Variants in LOXHD1 observed in about 807,000 individuals in gnomAD.
The protein encoded by LOXHD1 is lipoxygenase homology domain-containing protein 1.
LOXHD1 carries 205 observed loss-of-function variants against 248.2 expected under a neutral mutation model. That is an observed-to-expected ratio of 0.83 (90% CI 0.74 to 0.93). The LOEUF (loss-of-function observed/expected upper bound fraction) is 0.93, where lower values mean the gene tolerates loss of function less well. Ranked by LOEUF, LOXHD1 falls within the 40% of genes least tolerant of loss-of-function variation. LOXHD1 has a pLI of 0.00. For missense variants in LOXHD1, 2,930 were observed against 2,971.6 expected (o/e 0.99, Z 0.33); for synonymous variants, 1,113 against 1,162.8 (o/e 0.96, Z 0.87).
chr18:46,649,874 T>C (rs2144401374), intron 1 of LOXHD1, among the ~76,000 whole-genome samples: 1 of 152,266 alleles, frequency 6.6e-6, no homozygotes, highest in South Asian at 2.1e-4. Flanking sequence ...TATAGCCCTA[T>C]CGACTTCCTG....
Position 46,588,728 on chromosome 18 carries a change from C to T in LOXHD1, c.1654+3205G>A, listed in dbSNP as rs149881685. 7.9e-5 allele frequency among the ~76,000 whole-genome samples: 12 copies of T among 152,328 alleles called. No homozygotes were observed. In the East Asian group the frequency reaches 2.3e-3, roughly 29 times the overall value. ...AAATATTTCTTAAATTTATCTTCTCCTCTCTGGTGTCCTCTCTCTGTCCGA... is the reference window on the plus strand; with the variant it reads ...AAATATTTCTTAAATTTATCTTCTCTTCTCTGGTGTCCTCTCTCTGTCCGA... On this transcript the variant is annotated intron_variant, in intron 12 of 40. Coordinates refer to ENST00000642948, the MANE Select transcript of LOXHD1 (RefSeq NM_001384474.1).
rs1008856721 is a variant in LOXHD1 at position 46,566,383 on chromosome 18, G to C, written c.2311C>G (p.Gln771Glu). 1.7e-5 allele frequency: 26 copies of C among 1,551,516 alleles called. No individual in the cohort carries two copies. Among genetic ancestry groups the C allele is most frequent in the Non-Finnish European group, 2.1e-5 (24 of 1,147,034 alleles). Residue 771 changes from glutamine to glutamate, a missense_variant, in exon 17 of 41, where the codon CAG (glutamine) becomes GAG (glutamate). By Grantham distance (29) the Gln-to-Glu change is conservative. Coordinates refer to ENST00000642948, the MANE Select transcript of LOXHD1 (RefSeq NM_001384474.1). ...MHASWFLGSV[Q>E]IRVPRQGKQY... ...TTGCCTTGACGGGGCACACGGATCT[G>C]AACGCTGCCCAGGAACCAGCTGGCA...
chr18:46,601,005 C>T (rs1257046695), intron 8 of LOXHD1, among the ~76,000 whole-genome samples: 3 of 152,126 alleles, frequency 2.0e-5, no homozygotes, highest in African/African-American at 7.2e-5. Context: ...CCTGCTTGGC[C>T]CTTGGACGCT....
intron 21 of LOXHD1, 69 bp downstream of exon 21, chr18:46,557,287 A>T (rs1040921533): frequency 1.3e-5 from 20 of 1,528,870 alleles, no homozygotes; most frequent in African/African-American, 2.8e-5. Context: ...TTCTTCCAGG[A>T]CTACCTCTGT....
At chr18:46,601,529 C>G (rs1262245039) in intron 7 of LOXHD1, 62 bp from the exon 8 acceptor site, 1 of 1,549,992 alleles carries the variant, frequency 6.5e-7, no homozygotes, top group African/African-American at 1.4e-5. Flanking sequence ...TATCCCACCC[C>G]CTCCTCCCCT....
intron 14 of LOXHD1, among the ~76,000 whole-genome samples, chr18:46,575,603 G>A (rs935238391): frequency 6.6e-6 from 1 of 152,182 alleles, no homozygotes; most frequent in East Asian, 1.9e-4. Flanking sequence ...CCAATCACAA[G>A]CCAGTGAACT....
intron 15 of LOXHD1, among the ~76,000 whole-genome samples, chr18:46,570,319 C>T (rs1283177941): frequency 6.6e-6 from 1 of 152,206 alleles, no homozygotes; most frequent in East Asian, 1.9e-4. Context: ...CAAGGCAAGA[C>T]CCCAAGTCCT....
At chr18:46,530,223 G>T (rs2036001972) in intron 28 of LOXHD1, among the ~76,000 whole-genome samples, 1 of 152,180 alleles carries the variant, frequency 6.6e-6, no homozygotes, top group African/African-American at 2.4e-5. Context: ...GAAAGGCAGA[G>T]GTGGCCAAAG....
Position 46,541,826 on chromosome 18 carries a change from A to G in LOXHD1, c.3863T>C (p.Ile1288Thr). The G allele has an allele frequency of 6.4e-7, 1 of 1,551,700 alleles. No homozygotes were observed. Among genetic ancestry groups the G allele is most frequent in the Non-Finnish European group, 8.7e-7 (1 of 1,146,998 alleles). ...CTCTGCATGGAAGAGGTCTCTGATG[A>G]TGGACCCGTCGTCTTCGTTTTTGGC... is the stretch of plus-strand genomic sequence containing the variant. ...WLAKNEDDGS[I>T]IRDLFHAELQ... is the part of the protein sequence containing the mutation. The change falls in exon 25 of 41, where the codon ATC becomes ACC. Residue 1288 changes from isoleucine to threonine, a missense_variant. Physicochemically the swap from Ile to Thr is moderately conservative, Grantham distance 89. Transcript: ENST00000642948.
rs1187599071 is a variant in LOXHD1, at chr18:46,560,235, A to G, written c.2909T>C (p.Met970Thr). The G allele has an allele frequency of 1.3e-6, 2 of 1,549,590 alleles. No individual in the cohort carries two copies. The highest frequency in any genetic ancestry group is 2.4e-5 in the East Asian group (1 of 40,874). Reference sequence around the variant, plus strand: ...CTCCTCCTCTTCCTCCTCTTCTTCCATCTCCTCCTCCTCTGACGAGGACTC... The same window carrying G: ...CTCCTCCTCTTCCTCCTCTTCTTCCGTCTCCTCCTCCTCTGACGAGGACTC... Reference protein sequence around the residue: ...SEESSSEEEEMEEEEEEEEFG... With the variant: ...SEESSSEEEETEEEEEEEEFG... Residue 970 changes from methionine to threonine, a missense_variant, in exon 19 of 41, where the codon ATG becomes ACG. Coordinates refer to ENST00000642948, the MANE Select transcript of LOXHD1 (RefSeq NM_001384474.1).
chr18:46,626,173 GA>G (rs1326101540), intron 4 of LOXHD1, among the ~76,000 whole-genome samples: 1 of 152,102 alleles, frequency 6.6e-6, no homozygotes, highest in Non-Finnish European at 1.5e-5. Flanking sequence ...AAAAAATAGG[GA>G]ACAACCTAAA....
intron 4 of LOXHD1, among the ~76,000 whole-genome samples, chr18:46,638,987 T>C (rs1452610815): frequency 1.3e-5 from 2 of 152,180 alleles, no homozygotes; most frequent in African/African-American, 4.8e-5. Flanking sequence ...GCCCCCCTTT[T>C]TGGAAAAGCA....
chr18:46,590,218 AAACTCTGC>A (rs2038140368), intron 12 of LOXHD1, among the ~76,000 whole-genome samples: 2 of 152,160 alleles, frequency 1.3e-5, no homozygotes, highest in Admixed American at 6.5e-5. Context: ...ACTGAATTAG[AAACTCTGC>A]AAGTGGAGCC....
rs1486874470 is a variant in LOXHD1 at position 46,477,853 on chromosome 18, C to A, written c.6441G>T (p.Lys2147Asn). The A allele has an allele frequency of 5.8e-6, 9 of 1,551,680 alleles. No individual in the cohort carries two copies. The highest frequency in any genetic ancestry group is 3.9e-5 in the Admixed American group (2 of 50,988). ...VTKTTESFAS[K>N]VQSLVPVKYE... ...ACTTGACGGGCACCAGGCTCTGGAC[C>A]TTGCTGGCAAAGCTCTCTGTCGTCT... is the stretch of plus-strand genomic sequence containing the variant. Residue 2147 changes from lysine (K) to asparagine (N), a missense_variant, in exon 41 of 41, where the codon AAG becomes AAT. Physicochemically the swap from Lys to Asn is moderately conservative, Grantham distance 94. Coordinates refer to ENST00000642948, the MANE Select transcript of LOXHD1 (RefSeq NM_001384474.1).
intron 34 of LOXHD1, among the ~76,000 whole-genome samples, chr18:46,515,789 T>C (rs1003999738): frequency 2.6e-5 from 4 of 152,208 alleles, no homozygotes; most frequent in Admixed American, 2.6e-4. Context: ...CTGCCTCCTC[T>C]GCAGCGACCA....
intron 14 of LOXHD1, 45 bp downstream of exon 14, chr18:46,577,662 C>T: frequency 6.5e-7 from 1 of 1,534,778 alleles, no homozygotes; most frequent in East Asian, 2.5e-5. Context: ...ACACAGGGAT[C>T]ATAACCTAAG....
In LOXHD1 at chr18:46,592,568, A is replaced by G. The variant is rs1324906706; in HGVS notation, c.1448T>C (p.Leu483Pro). 6.4e-7 allele frequency: 1 copy of G among 1,551,634 alleles called. No individual in the cohort carries two copies. The highest frequency in any genetic ancestry group is 2.0e-5 in the Admixed American group (1 of 51,010). The part of the protein sequence containing the change: ...IEKFRIELPD[L>P]GRFYKIRVWH... Reference sequence around the variant, plus strand: ...TACTCGAATCTTATAAAACCTGCCAAGATCCGGGAGCTCAATCTATGGTGA... The same window carrying G: ...TACTCGAATCTTATAAAACCTGCCAGGATCCGGGAGCTCAATCTATGGTGA... The change falls in exon 11 of 41, where the codon CTT becomes CCT. Residue 483 changes from leucine (L) to proline (P), a missense_variant. Coordinates refer to ENST00000642948, the MANE Select transcript of LOXHD1 (RefSeq NM_001384474.1).
chr18:46,601,763 T>C, intron 7 of LOXHD1: 1 of 410,564 alleles, frequency 2.4e-6, no homozygotes, highest in African/African-American at 2.0e-5. Context: ...GGAACTCGGG[T>C]TGGCTAAGAA....
chr18:46,553,188 T>C (rs541738397), intron 21 of LOXHD1, among the ~76,000 whole-genome samples: 1 of 152,324 alleles, frequency 6.6e-6, no homozygotes, highest in South Asian at 2.1e-4. Context: ...AAGCCACTTT[T>C]CCATGTTAAC....
Sources: allele counts gnomAD v4.1 joint callset (sites outside exome capture counted in the v4.1 genomes callset), GRCh38; gene constraint gnomAD v4.1.1; transcripts MANE v1.5; gene names NCBI Gene and HGNC (gene_info 2026-07-23, HGNC 2026-07-21).